AUH: variants seen among roughly 807,000 people sequenced by gnomAD.
AUH encodes the protein AU RNA binding methylglutaconyl-CoA hydratase, also known as methylglutaconyl-CoA hydratase, mitochondrial.
A neutral mutation model predicts 42.3 loss-of-function variants in AUH; 29 were observed. The ratio of observed to expected loss-of-function variants is 0.69; its 90% CI spans 0.51 to 0.93. AUH has a LOEUF of 0.93. AUH is among the 40% of genes least tolerant of loss of function. The pLI is 0.00. For missense variants in AUH, 452 were observed against 438.1 expected, an observed-to-expected ratio of 1.03 and a Z score of -0.28; for synonymous variants, 174 against 166.4, an observed-to-expected ratio of 1.05 and a Z score of -0.35.
intron 6 of AUH, among the ~76,000 whole-genome samples, chr9:91,277,882 C>T (rs1309841913): frequency 2.0e-5 from 3 of 151,978 alleles, no homozygotes; most frequent in Admixed American, 6.6e-5. Flanking sequence ...TCTTTGAATG[C>T]TCTGGGAGTT....
At chr9:91,317,129 T>C (rs1217391166) in intron 4 of AUH, among the ~76,000 whole-genome samples, 1 of 152,206 alleles carries the variant, frequency 6.6e-6, no homozygotes, top group Non-Finnish European at 1.5e-5. Context: ...TACACCGTCT[T>C]CATTTCTATG....
chr9:91,336,945 C>G (rs1032866447), intron 3 of AUH, among the ~76,000 whole-genome samples: 1 of 152,206 alleles, frequency 6.6e-6, no homozygotes, highest in Admixed American at 6.5e-5. Context: ...TCAGAATGAT[C>G]AAGCCAATGA....
In AUH at chr9:91,307,610, T is replaced by G. The variant is rs1327213676; in HGVS notation, c.506-9534A>C. On this transcript the variant is annotated intron_variant, in intron 4 of 9. Transcript: ENST00000375731. ...TTCAACACAATAAGGGTGAGTATAATGCAGTAAAATATTTTGAGAACAGAC... is the reference window on the plus strand; with the variant it reads ...TTCAACACAATAAGGGTGAGTATAAGGCAGTAAAATATTTTGAGAACAGAC... Among the ~76,000 whole-genome samples, 3 of 152,374 alleles carry G rather than the reference T, an allele frequency of 2.0e-5. No individual in the cohort carries two copies. The East Asian group carries it at 5.8e-4, about 29-fold the overall frequency.
chr9:91,280,858 CTTTT>C (rs1477099999), intron 6 of AUH, among the ~76,000 whole-genome samples: 1 of 152,102 alleles, frequency 6.6e-6, no homozygotes, highest in Admixed American at 6.5e-5. Flanking sequence ...CATCAAGGTT[CTTTT>C]TTATTATTTT....
chr9:91,271,841 C>T (rs927155433), intron 6 of AUH, among the ~76,000 whole-genome samples: 1 of 152,100 alleles, frequency 6.6e-6, no homozygotes, highest in Non-Finnish European at 1.5e-5. Flanking sequence ...CCACCACGCC[C>T]GGCTAATTCT....
chr9:91,281,852 C>T (rs7873193), intron 6 of AUH, among the ~76,000 whole-genome samples: 3,125 of 152,254 alleles, frequency 0.021, 106 homozygotes, highest in African/African-American at 0.071. Context: ...TCAACTACAG[C>T]AACAGGCTCG....
chr9:91,285,950 G>A (rs989075427), intron 6 of AUH, among the ~76,000 whole-genome samples: 2 of 151,878 alleles, frequency 1.3e-5, no homozygotes, highest in African/African-American at 4.8e-5. Flanking sequence ...TCTTCACATC[G>A]GTAAAATGTC....
At chr9:91,230,981 T>A (rs1001857060) in intron 6 of AUH, among the ~76,000 whole-genome samples, 8 of 152,218 alleles carry the variant, frequency 5.3e-5, no homozygotes, top group Non-Finnish European at 1.2e-4. Flanking sequence ...GACATTTAAG[T>A]CTGCAGAGGT....
At chr9:91,236,643 C>T (rs575612151) in intron 6 of AUH, among the ~76,000 whole-genome samples, 3 of 152,220 alleles carry the variant, frequency 2.0e-5, no homozygotes, top group African/African-American at 7.2e-5. Context: ...CAGAACAGAG[C>T]AGGTGTGCAT....
chr9:91,330,585 C>A (rs1331892410), intron 3 of AUH, among the ~76,000 whole-genome samples: 1 of 152,166 alleles, frequency 6.6e-6, no homozygotes, highest in Admixed American at 6.5e-5. Context: ...TCCAAATATA[C>A]ACACTCAACA....
chr9:91,288,114 GGTGTACACCCAAGCAAAAAGCCTTA>G (rs1826562419), intron 6 of AUH, among the ~76,000 whole-genome samples: 2 of 151,916 alleles, frequency 1.3e-5, no homozygotes, highest in Non-Finnish European at 2.9e-5. Context: ...CAATCCCAGT[GGTGTACACCCAAGCAAAAAGCCTTA>G]ACAAATTACC....
At chr9:91,260,764 T>TATA (rs1277135364) in intron 6 of AUH, among the ~76,000 whole-genome samples, 1 of 152,194 alleles carries the variant, frequency 6.6e-6, no homozygotes. Context: ...CTTGATAATA[T>TATA]GTATATACAA....
chr9:91,215,102 C>T (rs575286131), intron 9 of AUH, among the ~76,000 whole-genome samples: 2 of 152,260 alleles, frequency 1.3e-5, no homozygotes, highest in Non-Finnish European at 1.5e-5. Context: ...AGATACTGCT[C>T]CTTTAAACGA....
intron 3 of AUH, among the ~76,000 whole-genome samples, chr9:91,346,860 TAAAA>T (rs79801569): frequency 7.7e-6 from 1 of 130,436 alleles, no homozygotes; most frequent in African/African-American, 2.8e-5. Context: ...ACTCAGAATT[TAAAA>T]AAAAAAAAAA....
At chr9:91,338,336 A>T (rs765120670) in intron 3 of AUH, among the ~76,000 whole-genome samples, 1 of 152,202 alleles carries the variant, frequency 6.6e-6, no homozygotes, top group Non-Finnish European at 1.5e-5. Flanking sequence ...AACTATAGTA[A>T]CACCTCCATC....
intron 1 of AUH, among the ~76,000 whole-genome samples, chr9:91,359,635 C>T (rs1421944358): frequency 6.6e-6 from 1 of 152,000 alleles, no homozygotes; most frequent in East Asian, 1.9e-4. Flanking sequence ...CAACAAATTA[C>T]AAATATGGAG....
intron 6 of AUH, among the ~76,000 whole-genome samples, chr9:91,274,800 T>C (rs1016364735): frequency 2.0e-5 from 3 of 152,180 alleles, no homozygotes; most frequent in Non-Finnish European, 4.4e-5. Flanking sequence ...TCCATAAACC[T>C]GGCTAACCAA....
At chr9:91,231,085 A>G (rs1827847262) in intron 6 of AUH, among the ~76,000 whole-genome samples, 1 of 152,186 alleles carries the variant, frequency 6.6e-6, no homozygotes, top group African/African-American at 2.4e-5. Flanking sequence ...TACCCAGTTC[A>G]AGCTTCCCGG....
Position 91,294,827 on chromosome 9 carries a change from ATAGAAT to A in AUH, c.655+1188_655+1193del, listed in dbSNP as rs1013031950. ...AGATGTGGTGGAAAGAGCAAGAGAA[ATAGAAT>A]TAGAAGAGTAACCTGAAGACGTGAC... is the stretch of plus-strand genomic sequence containing the variant. On this transcript the variant is annotated intron_variant, in intron 6 of 9. Transcript: ENST00000375731. 69 of 452,556 alleles carry A rather than the reference ATAGAAT, an allele frequency of 1.5e-4. 1 individual carries two copies. The highest frequency in any genetic ancestry group is 1.3e-3 in the African/African-American group (67 of 50,094). The allele number at this position is 452,556 out of a possible 1,614,324, so 28.0% of individuals were successfully genotyped here. A position where few individuals can be genotyped will look rare whatever the true frequency, so the allele number is the denominator to read the frequency against.
Sources: gnomAD v4.1 joint callset for allele counts (sites outside exome capture counted in the v4.1 genomes callset) on GRCh38, gnomAD v4.1.1 for gene constraint, MANE v1.5 for transcripts, NCBI Gene and HGNC (gene_info 2026-07-23, HGNC 2026-07-21) for gene names.